The following BICD1 variants were observed in gnomAD, a reference collection of about 807,000 sequenced individuals.
BICD1 encodes BICD cargo adaptor 1.
BICD1 carries 35 observed loss-of-function variants against 92.5 expected under a neutral mutation model. That is an observed-to-expected ratio of 0.38 (90% CI 0.29 to 0.50). The LOEUF (loss-of-function observed/expected upper bound fraction) is 0.50. BICD1 is among the 20% of genes least tolerant of loss of function. The pLI, the probability that BICD1 is intolerant of heterozygous loss-of-function variation, is 0.93. For synonymous variants in BICD1, 429 were observed against 465.1 expected, an observed-to-expected ratio of 0.92 and a Z score of 1.00; for missense variants, 950 against 1,189.8, an observed-to-expected ratio of 0.80 and a Z score of 2.97.
intron 1 of BICD1, among the ~76,000 whole-genome samples, chr12:32,126,709 A>G (rs1017085240): frequency 6.6e-6 from 1 of 151,944 alleles, no homozygotes; most frequent in Admixed American, 6.6e-5. Flanking sequence ...GTGAGCCGAG[A>G]TCAGATCACG....
chr12:32,320,473 C>G (rs1234262747), intron 4 of BICD1, among the ~76,000 whole-genome samples: 1 of 152,078 alleles, frequency 6.6e-6, no homozygotes, highest in African/African-American at 2.4e-5. Flanking sequence ...GAAACCCCAT[C>G]TCTACTAAAA....
chr12:32,368,867 T>G (rs1426209653), intron 9 of BICD1, among the ~76,000 whole-genome samples: 1 of 151,936 alleles, frequency 6.6e-6, no homozygotes. Context: ...GTGAGTAAAA[T>G]CACATCACTG....
intron 8 of BICD1, among the ~76,000 whole-genome samples, chr12:32,357,037 G>GT (rs1266276434): frequency 1.4e-5 from 2 of 144,588 alleles, no homozygotes; most frequent in Non-Finnish European, 3.0e-5. Context: ...TTTTGATGGA[G>GT]TTTCGCTCTT....
chr12:32,247,041 G>T (rs955682813), intron 2 of BICD1, among the ~76,000 whole-genome samples: 2 of 151,932 alleles, frequency 1.3e-5, no homozygotes, highest in Non-Finnish European at 2.9e-5. Flanking sequence ...TGGATCCCTT[G>T]AGTTCAGGAG....
intron 8 of BICD1, among the ~76,000 whole-genome samples, chr12:32,359,063 G>A (rs1939224516): frequency 6.6e-6 from 1 of 152,166 alleles, no homozygotes; most frequent in Non-Finnish European, 1.5e-5. Context: ...ACTAAAAGAG[G>A]ATGTCTCTGT....
intron 4 of BICD1, among the ~76,000 whole-genome samples, chr12:32,310,523 G>A (rs1948344689): frequency 6.6e-6 from 1 of 152,092 alleles, no homozygotes; most frequent in South Asian, 2.1e-4. Flanking sequence ...CATGACCTAA[G>A]GATCATTGTT....
chr12:32,327,805 T>A lies in BICD1; in HGVS notation c.1350T>A (p.Asp450Glu). The change falls in exon 5 of 10, where the codon GAT becomes GAA. Residue 450 changes from aspartate (D) to glutamate (E), a missense_variant. Physicochemically the swap from Asp to Glu is conservative, Grantham distance 45 (BLOSUM62 2). Coordinates refer to ENST00000652176, the MANE Select transcript of BICD1 (RefSeq NM_001714.4). Reference protein sequence around the residue: ...KYNKSVENYTDEKAKYESKIQ... With the variant: ...KYNKSVENYTEEKAKYESKIQ... ...ATAAATCTGTAGAAAACTACACTGA[T>A]GAGAAGGCCAAGTATGAGAGTAAAA... 3 of 1,614,074 alleles carry A rather than the reference T, an allele frequency of 1.9e-6. No individual in the cohort carries two copies. The highest frequency in any genetic ancestry group is 2.5e-6 in the Non-Finnish European group (3 of 1,180,022).
intron 4 of BICD1, among the ~76,000 whole-genome samples, chr12:32,306,658 T>G (rs1031725662): frequency 2.6e-5 from 4 of 152,130 alleles, no homozygotes; most frequent in African/African-American, 9.7e-5. Flanking sequence ...TTTGCATCAC[T>G]TCAAGAAATG....
intron 2 of BICD1, among the ~76,000 whole-genome samples, chr12:32,284,797 C>T (rs1205870148): frequency 6.6e-6 from 1 of 152,190 alleles, no homozygotes; most frequent in Non-Finnish European, 1.5e-5. Context: ...CGCACCGTTC[C>T]CTAAACCACA....
rs11051852 is a variant in BICD1 at position 32,209,641 on chromosome 12, C to T, written c.214-6606C>T. ...TTTAGAAGAGACTGTAAAGAACTGC[C>T]AGTGATTGTCTTTAAAGAGGCGTCA... On this transcript the variant is annotated intron_variant, in intron 1 of 9. Coordinates refer to ENST00000652176, the MANE Select transcript of BICD1 (RefSeq NM_001714.4). Among the ~76,000 whole-genome samples, 770 of 152,252 alleles carry T rather than the reference C, an allele frequency of 5.1e-3. 29 individuals carry two copies. The East Asian group carries it at 0.096, about 19-fold the overall frequency.
intron 2 of BICD1, among the ~76,000 whole-genome samples, chr12:32,276,608 G>T (rs1947282075): frequency 6.6e-6 from 1 of 152,024 alleles, no homozygotes; most frequent in South Asian, 2.1e-4. Flanking sequence ...CCCCCTTTGG[G>T]TCCCCTCCCT....
chr12:32,241,566 GTATGGT>G (rs1946235637), intron 2 of BICD1, among the ~76,000 whole-genome samples: 1 of 152,190 alleles, frequency 6.6e-6, no homozygotes, highest in African/African-American at 2.4e-5. Flanking sequence ...TCTTCTCTGT[GTATGGT>G]TATGCATGTC....
At chr12:32,330,593 TAAATA>T (rs930662587) in intron 5 of BICD1, among the ~76,000 whole-genome samples, 1 of 149,054 alleles carries the variant, frequency 6.7e-6, no homozygotes, top group African/African-American at 2.5e-5. Context: ...ATATATAAAA[TAAATA>T]AAATAAAAAA....
intron 9 of BICD1, among the ~76,000 whole-genome samples, chr12:32,375,242 A>T (rs1431122293): frequency 1.3e-5 from 2 of 151,838 alleles, no homozygotes; most frequent in African/African-American, 4.8e-5. Flanking sequence ...CCAATTTATA[A>T]ATGAGGCCGG....
intron 1 of BICD1, among the ~76,000 whole-genome samples, chr12:32,211,402 T>C (rs1051017552): frequency 6.6e-6 from 1 of 152,242 alleles, no homozygotes; most frequent in African/African-American, 2.4e-5. Flanking sequence ...ATTTGCAATT[T>C]CAATTCTTGA....
chr12:32,352,419 G>A (rs577593536), intron 8 of BICD1: 1 of 151,798 alleles, frequency 6.6e-6, no homozygotes, highest in South Asian at 2.1e-4. Context: ...CTAGGAAGCG[G>A]AGGCTGCAGT....
intron 1 of BICD1, among the ~76,000 whole-genome samples, chr12:32,191,222 T>C (rs1460754872): frequency 6.6e-6 from 1 of 151,900 alleles, no homozygotes; most frequent in Non-Finnish European, 1.5e-5. Context: ...GAGACAAAGA[T>C]TGGAGCAAAA....
intron 1 of BICD1, among the ~76,000 whole-genome samples, chr12:32,194,181 A>G (rs1367973929): frequency 6.6e-6 from 1 of 152,222 alleles, no homozygotes; most frequent in African/African-American, 2.4e-5. Context: ...TTAACAAATC[A>G]GATACAGAAG....
chr12:32,178,630 T>C (rs955405454), intron 1 of BICD1, among the ~76,000 whole-genome samples: 26 of 152,158 alleles, frequency 1.7e-4, no homozygotes, highest in Non-Finnish European at 3.5e-4. Flanking sequence ...TAGAATTTGA[T>C]TGCCTTTCAT....
Sources: allele counts gnomAD v4.1 joint callset (sites outside exome capture counted in the v4.1 genomes callset), GRCh38; gene constraint gnomAD v4.1.1; transcripts MANE v1.5; gene names NCBI Gene and HGNC (gene_info 2026-07-23, HGNC 2026-07-21).